QRFPR: variants seen among roughly 807,000 people sequenced by gnomAD.
The protein encoded by QRFPR is pyroglutamylated RF-amide peptide receptor.
QRFPR carries 37 observed loss-of-function variants against 31.3 expected under a neutral mutation model. The ratio of observed to expected loss-of-function variants is 1.18; its 90% CI spans 0.91 to 1.56. The LOEUF is 1.56. QRFPR is among the 40% of genes most tolerant of loss of function. QRFPR has a pLI of 0.00. For missense variants in QRFPR, 542 were observed against 532.5 expected (o/e 1.02, Z -0.18); for synonymous variants, 197 against 192.0 (o/e 1.03, Z -0.22).
intron 3 of QRFPR, among the ~76,000 whole-genome samples, chr4:121,336,023 T>A (rs531402150): frequency 2.0e-4 from 30 of 152,334 alleles, no homozygotes; most frequent in Non-Finnish European, 3.7e-4. Flanking sequence ...TGTTCTCTTA[T>A]CTTAGGCTCA....
At chr4:121,335,214 C>G (rs996002412) in intron 3 of QRFPR, among the ~76,000 whole-genome samples, 6 of 145,960 alleles carry the variant, frequency 4.1e-5, no homozygotes, top group African/African-American at 1.2e-4. Flanking sequence ...AACACTTTTT[C>G]TATATTAAAT....
chr4:121,345,252 C>A (rs1725621373), intron 1 of QRFPR, among the ~76,000 whole-genome samples: 1 of 152,208 alleles, frequency 6.6e-6, no homozygotes, highest in African/African-American at 2.4e-5. Flanking sequence ...TGGTCACGTG[C>A]TCACCAGATC....
intron 2 of QRFPR, among the ~76,000 whole-genome samples, chr4:121,338,769 G>A (rs1359575724): frequency 6.6e-6 from 1 of 152,234 alleles, no homozygotes; most frequent in Non-Finnish European, 1.5e-5. Context: ...GATGAGTCTA[G>A]TTGATTTTAA....
At chr4:121,335,079 AC>A (rs1725405552) in intron 3 of QRFPR, among the ~76,000 whole-genome samples, 1 of 152,188 alleles carries the variant, frequency 6.6e-6, no homozygotes. Flanking sequence ...ACAGGAAGCA[AC>A]TTTGACTAGA....
At chr4:121,361,117 G>A (rs549733691) in intron 1 of QRFPR, among the ~76,000 whole-genome samples, 3 of 133,472 alleles carry the variant, frequency 2.2e-5, no homozygotes, top group South Asian at 4.5e-4. Flanking sequence ...CCAGCCACAC[G>A]CTACAGAAAC....
intron 1 of QRFPR, among the ~76,000 whole-genome samples, chr4:121,360,542 T>C (rs775965330): frequency 1.1e-4 from 16 of 152,150 alleles, no homozygotes; most frequent in Non-Finnish European, 2.1e-4. Context: ...CCCCTGATAG[T>C]AGTGGTTTTG....
In QRFPR at chr4:121,329,490, C is replaced by A; in HGVS notation, c.1120G>T (p.Ala374Ser). The change falls in exon 6 of 6, where the codon GCA becomes TCA. Residue 374 changes from alanine (A) to serine (S), a missense_variant. By Grantham distance (99) the Ala-to-Ser change is moderately conservative (BLOSUM62 1). Transcript: ENST00000394427. ...NSGITMMRKK[A>S]KFSLRENPVE... is the part of the protein sequence containing the mutation. The stretch of plus-strand genomic sequence containing the variant: ...GGATTCTCTCTGAGGGAAAACTTTG[C>A]TTTCTTCCGCATCATTGTAATTCCT... 6.2e-7 allele frequency: 1 copy of A among 1,614,162 alleles called. No homozygotes were observed. The highest frequency in any genetic ancestry group is 8.5e-7 in the Non-Finnish European group (1 of 1,180,018).
At chr4:121,346,111 T>C (rs1725643125) in intron 1 of QRFPR, among the ~76,000 whole-genome samples, 1 of 152,238 alleles carries the variant, frequency 6.6e-6, no homozygotes, top group African/African-American at 2.4e-5. Context: ...ATAGACACAT[T>C]GCAGTTTCAT....
chr4:121,347,156 T>A (rs1322547158), intron 1 of QRFPR, among the ~76,000 whole-genome samples: 1 of 152,168 alleles, frequency 6.6e-6, no homozygotes, highest in African/African-American at 2.4e-5. Context: ...GTTTGGAAAT[T>A]TCTTTCTTGA....
intron 1 of QRFPR, among the ~76,000 whole-genome samples, chr4:121,375,721 T>C (rs957152208): frequency 2.4e-4 from 37 of 152,202 alleles, no homozygotes; most frequent in African/African-American, 8.9e-4. Context: ...GAAAAGAGGT[T>C]GCATGCTAAG....
chr4:121,345,658 C>A lies in QRFPR; in HGVS notation c.341-5048G>T, dbSNP rs149759648. Among the ~76,000 whole-genome samples the A allele has an allele frequency of 4.9e-4, 74 of 152,270 alleles. No homozygotes were observed. The East Asian group carries it at 9.9e-3, about 20-fold the overall frequency. ...AGCTACAATTATTTTATTTTGCCTA[C>A]TGGATTAGGAACAATTGCTTTGGTT... is the stretch of plus-strand genomic sequence containing the variant. On this transcript the variant is annotated intron_variant, in intron 1 of 5. Coordinates refer to ENST00000394427, the MANE Select transcript of QRFPR (RefSeq NM_198179.3).
At chr4:121,347,274 G>A (rs1030408214) in intron 1 of QRFPR, among the ~76,000 whole-genome samples, 5 of 152,082 alleles carry the variant, frequency 3.3e-5, no homozygotes, top group Non-Finnish European at 5.9e-5. Context: ...CAATAAAAAA[G>A]AATAGGTGCC....
rs70950816 is a variant in QRFPR, at chr4:121,380,186, G to GGAGAGAGAGAGA, written c.340+110_340+121dup. ...GAGAGAGAGACAGACAGACGAGAGA[G>GGAGAGAGAGAGA]GAGAGAGAGAGAGAGAGAGAGAGAG... On this transcript the variant is annotated intron_variant, in intron 1 of 5. Coordinates refer to ENST00000394427, the MANE Select transcript of QRFPR (RefSeq NM_198179.3). 370 of 235,544 alleles carry GGAGAGAGAGAGA rather than the reference G, an allele frequency of 1.6e-3. 13 individuals carry two copies. The highest frequency in any genetic ancestry group is 3.8e-3 in the Admixed American group (34 of 8,972). The allele number at this position is 235,544 out of a possible 1,614,324, so 14.6% of individuals were successfully genotyped here.
chr4:121,346,367 A>G lies in QRFPR; in HGVS notation c.341-5757T>C, dbSNP rs1725650460. On this transcript the variant is annotated intron_variant, in intron 1 of 5. Coordinates refer to ENST00000394427, the MANE Select transcript of QRFPR (RefSeq NM_198179.3). ...CTGCCCCTCTTCCTGTATCATTAAT[A>G]TATAGAAACGTGATTGTGTCTTTAT... 2.0e-5 allele frequency among the ~76,000 whole-genome samples: 3 copies of G among 152,194 alleles called. No individual in the cohort carries two copies. In the South Asian group the frequency reaches 6.2e-4, roughly 32 times the overall value.
At chr4:121,346,531 T>C (rs147006843) in intron 1 of QRFPR, among the ~76,000 whole-genome samples, 428 of 152,358 alleles carry the variant, frequency 2.8e-3, no homozygotes, top group African/African-American at 1.0e-2. Context: ...TATGGTCACT[T>C]ATTGTCCTTG....
At chr4:121,362,083 GAT>G (rs904270062) in intron 1 of QRFPR, among the ~76,000 whole-genome samples, 1 of 150,210 alleles carries the variant, frequency 6.7e-6, no homozygotes, top group African/African-American at 2.5e-5. Context: ...CATGTTGAAA[GAT>G]GTGTGAAAGC....
chr4:121,362,351 A>AG (rs35906974), intron 1 of QRFPR, among the ~76,000 whole-genome samples: 40,615 of 148,652 alleles, frequency 0.27, 7,640 homozygotes, highest in Non-Finnish European at 0.35. Context: ...ATCCAGGAAG[A>AG]GGGGAAAAAG....
At chr4:121,375,063 C>T (rs1285789563) in intron 1 of QRFPR, among the ~76,000 whole-genome samples, 1 of 152,160 alleles carries the variant, frequency 6.6e-6, no homozygotes, top group Non-Finnish European at 1.5e-5. Context: ...ACTCCAGGCA[C>T]ACCCCAAACA....
chr4:121,355,352 G>T (rs1171131614), intron 1 of QRFPR, among the ~76,000 whole-genome samples: 1 of 151,942 alleles, frequency 6.6e-6, no homozygotes, highest in Non-Finnish European at 1.5e-5. Flanking sequence ...CTAATGTATT[G>T]TCATACAGTT....
Sources: allele counts gnomAD v4.1 joint callset (sites outside exome capture counted in the v4.1 genomes callset), GRCh38; gene constraint gnomAD v4.1.1; transcripts MANE v1.5; gene names NCBI Gene and HGNC (gene_info 2026-07-23, HGNC 2026-07-21).